The following CSMD1 variants were observed in gnomAD, a reference collection of about 807,000 sequenced individuals.
The protein encoded by CSMD1 is CUB and sushi domain-containing protein 1.
CSMD1 carries 213 observed loss-of-function variants against 417.5 expected under a neutral mutation model. That is an observed-to-expected ratio of 0.51 (90% CI 0.46 to 0.57). CSMD1 has a LOEUF of 0.57. Among genes scored for constraint, CSMD1 ranks in the 20% least tolerant of loss-of-function variants. The probability of loss-of-function intolerance (pLI) is 0.00; values close to 1 mark genes in which losing one functional copy is unlikely to be tolerated. For synonymous variants in CSMD1, 2,862 were observed against 1,736.8 expected (o/e 1.65, Z -16.11); for missense variants, 6,923 against 4,529.7 (o/e 1.53, Z -15.17).
At chr8:3,704,529 G>C (rs778521535) in intron 7 of CSMD1, among the ~76,000 whole-genome samples, 8 of 152,202 alleles carry the variant, frequency 5.3e-5, no homozygotes, top group South Asian at 2.1e-4. Flanking sequence ...GACTCAAACA[G>C]CTAGAGAGAT....
At chr8:4,776,417 T>C (rs576532096) in intron 1 of CSMD1, among the ~76,000 whole-genome samples, 2 of 152,296 alleles carry the variant, frequency 1.3e-5, no homozygotes, top group East Asian at 3.9e-4. Flanking sequence ...ATGGTGCCTC[T>C]AGAGAATTCT....
chr8:4,110,677 A>G (rs982220312), intron 3 of CSMD1, among the ~76,000 whole-genome samples: 9 of 151,996 alleles, frequency 5.9e-5, no homozygotes, highest in Non-Finnish European at 1.2e-4. Context: ...AAGTTACCTA[A>G]GAAAATGTTT....
chr8:4,249,572 T>G (rs1169958520), intron 3 of CSMD1, among the ~76,000 whole-genome samples: 2 of 152,194 alleles, frequency 1.3e-5, no homozygotes, highest in Non-Finnish European at 2.9e-5. Context: ...TCTAACCATC[T>G]TAGCTTGAAG....
intron 5 of CSMD1, among the ~76,000 whole-genome samples, chr8:3,798,042 T>C (rs1800257359): frequency 6.6e-6 from 1 of 152,120 alleles, no homozygotes; most frequent in South Asian, 2.1e-4. Context: ...TTTTTGACCA[T>C]TTTTATTTCT....
intron 1 of CSMD1, among the ~76,000 whole-genome samples, chr8:4,790,395 G>T (rs887357591): frequency 8.5e-5 from 13 of 152,092 alleles, no homozygotes; most frequent in African/African-American, 2.9e-4. Context: ...AAAATAAATA[G>T]CCATACTTCC....
intron 10 of CSMD1, among the ~76,000 whole-genome samples, chr8:3,504,843 T>C (rs555980733): frequency 6.6e-6 from 1 of 152,118 alleles, no homozygotes; most frequent in Non-Finnish European, 1.5e-5. Flanking sequence ...GAGTAGCAAG[T>C]TGAGAGTCAT....
intron 12 of CSMD1, among the ~76,000 whole-genome samples, chr8:3,439,143 A>C (rs1814774612): frequency 7.6e-6 from 1 of 131,076 alleles, no homozygotes; most frequent in African/African-American, 3.2e-5. Context: ...AAAAAAAAAA[A>C]AAAAAAAAAC....
At chr8:4,711,613 A>T (rs1808303685) in intron 1 of CSMD1, among the ~76,000 whole-genome samples, 1 of 152,148 alleles carries the variant, frequency 6.6e-6, no homozygotes, top group Non-Finnish European at 1.5e-5. Context: ...TATAGTCTGT[A>T]AGAGAATTAT....
intron 2 of CSMD1, among the ~76,000 whole-genome samples, chr8:4,527,303 G>A (rs550662325): frequency 5.9e-5 from 9 of 152,104 alleles, no homozygotes; most frequent in Non-Finnish European, 7.3e-5. Context: ...TGTGTAGCTG[G>A]TATATTGTTA....
intron 9 of CSMD1, among the ~76,000 whole-genome samples, chr8:3,584,157 A>T (rs922758568): frequency 6.6e-6 from 1 of 152,214 alleles, no homozygotes; most frequent in Non-Finnish European, 1.5e-5. Flanking sequence ...AACTAATAAG[A>T]ACTGAAGTAC....
At chr8:3,287,867 C>T (rs183871683) in intron 25 of CSMD1, among the ~76,000 whole-genome samples, 4 of 147,812 alleles carry the variant, frequency 2.7e-5, no homozygotes, top group Non-Finnish European at 3.0e-5. Flanking sequence ...GAGAGGGCAT[C>T]CCTCTCTTGT....
chr8:4,167,833 T>A (rs1293903997), intron 3 of CSMD1, among the ~76,000 whole-genome samples: 3 of 152,014 alleles, frequency 2.0e-5, no homozygotes, highest in African/African-American at 7.2e-5. Context: ...CTACCAAGAA[T>A]TATATATAAA....
At chr8:4,003,632 A>T (rs988383477) in intron 4 of CSMD1, among the ~76,000 whole-genome samples, 6 of 152,216 alleles carry the variant, frequency 3.9e-5, no homozygotes, top group Non-Finnish European at 8.8e-5. Context: ...TAAAAAGATA[A>T]ATTCTGAAAA....
intron 49 of CSMD1, among the ~76,000 whole-genome samples, chr8:3,067,273 G>A (rs1812999346): frequency 6.6e-6 from 1 of 152,064 alleles, no homozygotes; most frequent in African/African-American, 2.4e-5. Flanking sequence ...TTTCCACCAT[G>A]TACAAATCAT....
chr8:4,769,971 G>A (rs1014262609), intron 1 of CSMD1, among the ~76,000 whole-genome samples: 1 of 152,076 alleles, frequency 6.6e-6, no homozygotes, highest in East Asian at 1.9e-4. Context: ...AAAAGCAAAA[G>A]CTGGACAGAA....
intron 3 of CSMD1, among the ~76,000 whole-genome samples, chr8:4,386,977 G>C (rs552366797): frequency 1.3e-5 from 2 of 152,310 alleles, no homozygotes; most frequent in East Asian, 3.9e-4. Context: ...ATTATCTATT[G>C]TATGAATGAA....
At chr8:3,712,972 A>C (rs1456263364) in intron 6 of CSMD1, among the ~76,000 whole-genome samples, 1 of 152,144 alleles carries the variant, frequency 6.6e-6, no homozygotes, top group African/African-American at 2.4e-5. Flanking sequence ...GTGTGCTTCA[A>C]AGGTGCTGAG....
intron 3 of CSMD1, among the ~76,000 whole-genome samples, chr8:4,140,425 G>C (rs1019237944): frequency 3.3e-5 from 5 of 150,926 alleles, no homozygotes; most frequent in African/African-American, 1.2e-4. Context: ...TTGAACCTGG[G>C]AAGTGGAGGT....
chr8:4,547,914 G>C (rs1797702085), intron 2 of CSMD1, among the ~76,000 whole-genome samples: 1 of 152,140 alleles, frequency 6.6e-6, no homozygotes, highest in Non-Finnish European at 1.5e-5. Flanking sequence ...ACAAAATAAA[G>C]GCCGAGAAAA....
Sources: allele counts gnomAD v4.1 joint callset (sites outside exome capture counted in the v4.1 genomes callset), GRCh38; gene constraint gnomAD v4.1.1; transcripts MANE v1.5; gene names NCBI Gene and HGNC (gene_info 2026-07-23, HGNC 2026-07-21).